The following CD58 variants were observed in gnomAD, a reference collection of about 807,000 sequenced individuals.
CD58 encodes CD58 molecule.
Under a neutral mutation model 27.6 loss-of-function variants are expected in CD58, and 14 were observed. That is an observed-to-expected ratio of 0.51 (90% CI 0.34 to 0.79). The LOEUF is 0.79. CD58 is among the 30% of genes least tolerant of loss of function. The pLI, the probability that CD58 is intolerant of heterozygous loss-of-function variation, is 0.02. For missense variants in CD58, 268 were observed against 301.7 expected (o/e 0.89, Z 0.83); for synonymous variants, 117 against 103.8 (o/e 1.13, Z -0.77).
chr1:116,546,992 TC>T lies in CD58; in HGVS notation c.71-2389del, dbSNP rs938363476. Among the ~76,000 whole-genome samples the T allele has an allele frequency of 2.0e-5, 3 of 152,178 alleles. No homozygotes were observed. Among genetic ancestry groups the T allele is most frequent in the Non-Finnish European group, 2.9e-5 (2 of 68,026 alleles). On this transcript the variant is annotated intron_variant, in intron 1 of 5. Coordinates refer to ENST00000369489, the MANE Select transcript of CD58 (RefSeq NM_001779.3). This position sits in a 1 kb window ranked among gnomAD's most constrained non-coding sequence, Gnocchi z 4.1. ...ATATTTTCTTCCTTATGCTTTTTTT[TC>T]TTTTTTAAATTTTTTTATTACTATT...
chr1:116,518,918 A>C, intron 5 of CD58: 1 of 1,050,534 alleles, frequency 9.5e-7, no homozygotes, highest in Non-Finnish European at 1.2e-6. Flanking sequence ...ATCACTTACT[A>C]GCAACGTGAC....
rs1659116618 is a variant in CD58, at chr1:116,570,850, G to A, written c.70+53C>T. On this transcript the variant is annotated intron_variant, in intron 1 of 5. Transcript: ENST00000369489. The surrounding 1 kb of genome is among the most constrained non-coding windows in gnomAD (Gnocchi z 6.4). ...CCCGGCGCGTCCACCCAGCCTGGGT[G>A]CTGCCCAGTACCCGCCGGCCGGCGC... is the stretch of plus-strand genomic sequence containing the variant. 2.1e-6 allele frequency: 3 copies of A among 1,426,916 alleles called. No individual in the cohort carries two copies. The African/African-American group carries it at 4.4e-5, about 21-fold the overall frequency. The allele number at this position is 1,426,916 out of a possible 1,614,324, so 88.4% of individuals were successfully genotyped here. A position where few individuals can be genotyped will look rare whatever the true frequency, so the allele number is the denominator to read the frequency against.
intron 1 of CD58, among the ~76,000 whole-genome samples, chr1:116,558,521 T>A (rs1036213357): frequency 6.6e-6 from 1 of 152,336 alleles, no homozygotes. Flanking sequence ...GAGCGGCCAA[T>A]CTCCTAAAAT....
rs541660722 is a variant in CD58, at chr1:116,547,575, C to T, written c.71-2971G>A. Among the ~76,000 whole-genome samples, 16 of 152,176 alleles carry T rather than the reference C, an allele frequency of 1.1e-4. No individual in the cohort carries two copies. In the South Asian group the frequency reaches 3.3e-3, roughly 32 times the overall value. On this transcript the variant is annotated intron_variant, in intron 1 of 5. Transcript: ENST00000369489. ...CGATCTCCTGACCTCGTGATCTGCC[C>T]GCCTTGGCCTCCCAAAGTGCTGGGA... is the stretch of plus-strand genomic sequence containing the variant.
chr1:116,526,392 A>AT (rs1160436949), intron 3 of CD58, among the ~76,000 whole-genome samples: 6 of 152,224 alleles, frequency 3.9e-5, no homozygotes, highest in South Asian at 2.1e-4. Context: ...GTTTAGATTC[A>AT]TTTTTTTGCA....
intron 2 of CD58, among the ~76,000 whole-genome samples, chr1:116,539,118 A>G (rs1052253389): frequency 6.6e-6 from 1 of 152,262 alleles, no homozygotes; most frequent in South Asian, 2.1e-4. Flanking sequence ...AACACAGATA[A>G]TAATCAACAT....
intron 3 of CD58, among the ~76,000 whole-genome samples, chr1:116,526,931 T>G (rs1470507184): frequency 3.9e-5 from 6 of 152,142 alleles, no homozygotes. Flanking sequence ...ATTGCATTTT[T>G]GGGGTGCTAA....
chr1:116,567,610 C>T (rs1481398730), intron 1 of CD58, among the ~76,000 whole-genome samples: 1 of 152,022 alleles, frequency 6.6e-6, no homozygotes, highest in Non-Finnish European at 1.5e-5. Flanking sequence ...TGTACTCCAG[C>T]CTGGGTGACA....
intron 5 of CD58, among the ~76,000 whole-genome samples, chr1:116,518,110 T>C (rs1430307715): frequency 1.3e-5 from 2 of 152,190 alleles, no homozygotes; most frequent in Admixed American, 6.5e-5. Context: ...TTCTATATTA[T>C]CATTATGCCC....
intron 4 of CD58, among the ~76,000 whole-genome samples, chr1:116,520,122 GT>G (rs1657219287): frequency 6.6e-6 from 1 of 152,088 alleles, no homozygotes; most frequent in African/African-American, 2.4e-5. Context: ...TGCTTGCTGA[GT>G]TTTTTTGTTT....
Position 116,557,123 on chromosome 1 carries a change from G to A in CD58, c.71-12519C>T, listed in dbSNP as rs1658592873. ...GACTTTCAATAAATATCTGTTGAAT[G>A]AATTAACTAAAATGATTAAAATACA... On this transcript the variant is annotated intron_variant, in intron 1 of 5. Coordinates refer to ENST00000369489, the MANE Select transcript of CD58 (RefSeq NM_001779.3). The surrounding 1 kb of genome is among the most constrained non-coding windows in gnomAD (Gnocchi z 5.2). Among the ~76,000 whole-genome samples the A allele has an allele frequency of 1.3e-5, 2 of 152,156 alleles. No homozygotes were observed. Among genetic ancestry groups the A allele is most frequent in the African/African-American group, 4.8e-5 (2 of 41,414 alleles).
chr1:116,554,689 A>C (rs1433474692), intron 1 of CD58, among the ~76,000 whole-genome samples: 1 of 152,118 alleles, frequency 6.6e-6, no homozygotes, highest in Non-Finnish European at 1.5e-5. Flanking sequence ...GTGAGATTTC[A>C]ATTTATTACT....
rs1657707434 is a variant in CD58 at position 116,534,010 on chromosome 1, G to A, written c.628+1955C>T. The A allele has an allele frequency of 3.8e-6, 5 of 1,330,720 alleles. No homozygotes were observed. Among genetic ancestry groups the A allele is most frequent in the Non-Finnish European group, 5.4e-6 (5 of 926,968 alleles). The allele number at this position is 1,330,720 out of a possible 1,614,324, so 82.4% of individuals were successfully genotyped here. On this transcript the variant is annotated intron_variant, in intron 3 of 5. Coordinates refer to ENST00000369489, the MANE Select transcript of CD58 (RefSeq NM_001779.3). This position sits in a 1 kb window ranked among gnomAD's most constrained non-coding sequence, Gnocchi z 5.3. ...TCCAGGATTCTGCATCACCTGATCC[G>A]TGAGCTTTTCCGTCTTACTTGCATT...
Position 116,532,119 on chromosome 1 carries a change from G to T in CD58, c.628+3846C>A, listed in dbSNP as rs1405811493. 1.3e-5 allele frequency among the ~76,000 whole-genome samples: 2 copies of T among 152,262 alleles called. No individual in the cohort carries two copies. The highest frequency in any genetic ancestry group is 4.8e-5 in the African/African-American group (2 of 41,476). On this transcript the variant is annotated intron_variant, in intron 3 of 5. Coordinates refer to ENST00000369489, the MANE Select transcript of CD58 (RefSeq NM_001779.3). This position sits in a 1 kb window ranked among gnomAD's most constrained non-coding sequence, Gnocchi z 5.1. ...CAACTCCGGCAGCAGGGCGGTGCCTGTGTCACGAGGACAGGCTCGCGTCTT... is the reference window on the plus strand; with the variant it reads ...CAACTCCGGCAGCAGGGCGGTGCCTTTGTCACGAGGACAGGCTCGCGTCTT...
chr1:116,536,342 A>G lies in CD58; in HGVS notation c.365-114T>C. 1 of 709,918 alleles carries G rather than the reference A, an allele frequency of 1.4e-6. No homozygotes were observed. The highest frequency in any genetic ancestry group is 2.1e-5 in the South Asian group (1 of 48,674). 44.0% of individuals were successfully genotyped at this position (709,918 alleles called of 1,614,324 possible). ...ACAAGCTTGAAAGGATGAGCAGACA[A>G]ACTCCTTGAGCATCAAGGAGCGAGA... is the stretch of plus-strand genomic sequence containing the variant. On this transcript the variant is annotated intron_variant, in intron 2 of 5. Coordinates refer to ENST00000369489, the MANE Select transcript of CD58 (RefSeq NM_001779.3). This position sits in a 1 kb window ranked among gnomAD's most constrained non-coding sequence, Gnocchi z 5.4.
chr1:116,535,598 T>C (rs1350571120), intron 3 of CD58, among the ~76,000 whole-genome samples: 1 of 98,224 alleles, frequency 1.0e-5, no homozygotes, highest in African/African-American at 5.1e-5. Flanking sequence ...TCCCAGCACT[T>C]TGGGAGGCCG....
In CD58 at chr1:116,570,388, T is replaced by C. The variant is rs1243313428; in HGVS notation, c.70+515A>G. 6.6e-6 allele frequency among the ~76,000 whole-genome samples: 1 copy of C among 152,128 alleles called. No homozygotes were observed. The highest frequency in any genetic ancestry group is 1.5e-5 in the Non-Finnish European group (1 of 68,010). On this transcript the variant is annotated intron_variant, in intron 1 of 5. Coordinates refer to ENST00000369489, the MANE Select transcript of CD58 (RefSeq NM_001779.3). The surrounding 1 kb of genome is among the most constrained non-coding windows in gnomAD (Gnocchi z 6.4). ...TCCTAGTTGCCTACCCGCTCCTCGC[T>C]GTGGGGCGATTCTGAAAAGTCCTCT...
intron 1 of CD58, among the ~76,000 whole-genome samples, chr1:116,565,813 C>T (rs1048439529): frequency 2.0e-5 from 3 of 151,758 alleles, no homozygotes; most frequent in Admixed American, 6.6e-5. Context: ...TCTCTGCCTC[C>T]TGGTTCAGGC....
In CD58 at chr1:116,536,678, C is replaced by T. The variant is rs549469541; in HGVS notation, c.365-450G>A. 1.3e-4 allele frequency among the ~76,000 whole-genome samples: 20 copies of T among 152,208 alleles called. No individual in the cohort carries two copies. Among genetic ancestry groups the T allele is most frequent in the African/African-American group, 4.1e-4 (17 of 41,512 alleles). On this transcript the variant is annotated intron_variant, in intron 2 of 5. Coordinates refer to ENST00000369489, the MANE Select transcript of CD58 (RefSeq NM_001779.3). This position sits in a 1 kb window ranked among gnomAD's most constrained non-coding sequence, Gnocchi z 5.4. ...CCTTCTGCCATGATTGTAAGTTTCC[C>T]GAGGCCTCCCCAGCCATGTGGAACT...
Sources: gnomAD v4.1 joint callset for allele counts (sites outside exome capture counted in the v4.1 genomes callset) on GRCh38, gnomAD v4.1.1 for gene constraint, Gnocchi (gnomAD v3.1) non-coding constraint, MANE v1.5 for transcripts, NCBI Gene and HGNC (gene_info 2026-07-23, HGNC 2026-07-21) for gene names.